Variants in ZRANB1 observed in about 807,000 individuals in gnomAD.
ZRANB1 encodes the protein zinc finger RANBP2-type containing 1.
Under a neutral mutation model 80.5 loss-of-function variants are expected in ZRANB1, and 16 were observed. That is an observed-to-expected ratio of 0.20 (90% CI 0.13 to 0.30). ZRANB1 has a LOEUF of 0.30. Among genes scored for constraint, ZRANB1 ranks in the 10% least tolerant of loss-of-function variants. ZRANB1 has a pLI of 1.00. For missense variants in ZRANB1, 576 were observed against 862.6 expected (o/e 0.67, Z 4.16); for synonymous variants, 291 against 293.1 (o/e 0.99, Z 0.07).
intron 1 of ZRANB1, chr10:124,962,429 T>C: frequency 3.1e-6 from 3 of 982,672 alleles, no homozygotes; most frequent in Non-Finnish European, 3.6e-6. Flanking sequence ...GCTTTTTTTT[T>C]ACCATTTGGC....
At chr10:124,950,833 T>G (rs1951633161) in intron 1 of ZRANB1, among the ~76,000 whole-genome samples, 1 of 152,058 alleles carries the variant, frequency 6.6e-6, no homozygotes, top group African/African-American at 2.4e-5. Context: ...TAAAAAAAAT[T>G]AGCAGGACAT....
rs771314435 is a variant in ZRANB1, at chr10:124,984,937, G to C, written c.2072G>C (p.Arg691Pro). 1.2e-6 allele frequency: 2 copies of C among 1,613,920 alleles called. No individual in the cohort carries two copies. The highest frequency in any genetic ancestry group is 1.7e-6 in the Non-Finnish European group (2 of 1,179,996). Residue 691 changes from arginine to proline, a missense_variant, in exon 9 of 9, where the codon CGG becomes CCG. Physicochemically the swap from Arg to Pro is moderately radical, Grantham distance 103. Coordinates refer to ENST00000359653, the MANE Select transcript of ZRANB1 (RefSeq NM_017580.3). ...TGGCTTGACCGCTACCGACAGATCC[G>C]GCCGTGTACATCCCTGTCTGATGGA... ...EKWLDRYRQI[R>P]PCTSLSDGEE...
At chr10:124,921,328 G>T in the ZRANB1 span, among the ~76,000 whole-genome samples, 4 of 152,140 alleles carry the variant, frequency 2.6e-5, no homozygotes, top group African/African-American at 9.7e-5. Context: ...TGATGATAAG[G>T]CAGATGAGAC....
At chr10:124,919,874 C>G in the ZRANB1 span, among the ~76,000 whole-genome samples, 4 of 143,176 alleles carry the variant, frequency 2.8e-5, no homozygotes, top group Non-Finnish European at 4.5e-5. Flanking sequence ...GCCTCCCAGA[C>G]TGCTGGGATT....
chr10:124,932,920 G>A, the ZRANB1 span, among the ~76,000 whole-genome samples: 20,389 of 152,002 alleles, frequency 0.13, 1,823 homozygotes, highest in South Asian at 0.27. Flanking sequence ...ATATTCTTCG[G>A]TGAGGTGTCT....
intron 1 of ZRANB1, chr10:124,962,532 T>G: frequency 2.7e-6 from 1 of 369,498 alleles, no homozygotes; most frequent in Non-Finnish European, 3.7e-6. Context: ...GGGGAAAAAA[T>G]AAGTCTGTTT....
Position 124,983,778 on chromosome 10 carries a change from T to C in ZRANB1, c.1908+90T>C, listed in dbSNP as rs919346349. On this transcript the variant is annotated intron_variant, in intron 8 of 8. Coordinates refer to ENST00000359653, the MANE Select transcript of ZRANB1 (RefSeq NM_017580.3). The surrounding 1 kb of genome is among the most constrained non-coding windows in gnomAD (Gnocchi z 6.2). Reference sequence around the variant, plus strand: ...CTTTCAGGTGTGGTTTTATCTGCACTATCACTTAATTTCTGAATGTGATGG... The same window carrying C: ...CTTTCAGGTGTGGTTTTATCTGCACCATCACTTAATTTCTGAATGTGATGG... 24 of 872,020 alleles carry C rather than the reference T, an allele frequency of 2.8e-5. No individual in the cohort carries two copies. The highest frequency in any genetic ancestry group is 2.5e-4 in the African/African-American group (15 of 59,280). The allele number at this position is 872,020 out of a possible 1,614,324, so 54.0% of individuals were successfully genotyped here.
Position 124,968,382 on chromosome 10 carries a change from A to G in ZRANB1, c.1002+1601A>G, listed in dbSNP as rs558289496. 5.3e-5 allele frequency among the ~76,000 whole-genome samples: 8 copies of G among 152,324 alleles called. No homozygotes were observed. The East Asian group carries it at 7.7e-4, about 15-fold the overall frequency. On this transcript the variant is annotated intron_variant, in intron 2 of 8. Coordinates refer to ENST00000359653, the MANE Select transcript of ZRANB1 (RefSeq NM_017580.3). Reference sequence around the variant, plus strand: ...GGGGATTAAAAAATTTGAAGGTTAGATGGAAACATGATTGTAGTAGCTAAC... The same window carrying G: ...GGGGATTAAAAAATTTGAAGGTTAGGTGGAAACATGATTGTAGTAGCTAAC...
At chr10:124,964,418 T>G (rs1027418502) in intron 1 of ZRANB1, among the ~76,000 whole-genome samples, 7 of 152,210 alleles carry the variant, frequency 4.6e-5, no homozygotes, top group Non-Finnish European at 1.0e-4. Context: ...CTTCTAGACT[T>G]CAGCTATATG....
chr10:124,970,833 GTTTTTTTTTTTT>G (rs34391929), intron 2 of ZRANB1, among the ~76,000 whole-genome samples: 3 of 85,380 alleles, frequency 3.5e-5, no homozygotes, highest in South Asian at 4.7e-4. Flanking sequence ...TCTCTTTGGG[GTTTTTTTTTTTT>G]TTTTTTTTTT....
At chr10:124,940,704 G>GA (rs2134238634), upstream of ZRANB1, among the ~76,000 whole-genome samples, 1 of 152,124 alleles carries the variant, frequency 6.6e-6, no homozygotes, top group South Asian at 2.1e-4. Context: ...GGCCAGGCGT[G>GA]GTGGTTCATG....
chr10:124,971,862 C>T, intron 2 of ZRANB1, 103 bp from the exon 3 acceptor site: 1 of 1,126,006 alleles, frequency 8.9e-7, no homozygotes, highest in South Asian at 2.4e-5. Flanking sequence ...TTAAAGAAAA[C>T]CTTGAGTTAT....
At chr10:124,919,931 T>C in the ZRANB1 span, among the ~76,000 whole-genome samples, 1 of 133,302 alleles carries the variant, frequency 7.5e-6, no homozygotes, top group South Asian at 3.0e-4. Context: ...CTTTTTTTTT[T>C]TTTGAGACCT....
intron 5 of ZRANB1, among the ~76,000 whole-genome samples, chr10:124,976,910 A>G (rs910462507): frequency 1.2e-4 from 18 of 151,998 alleles, no homozygotes; most frequent in African/African-American, 4.3e-4. Flanking sequence ...TTGAAAGGCC[A>G]AAAGTACACT....
intron 2 of ZRANB1, 39 bp from the exon 3 acceptor site, chr10:124,971,926 G>T (rs1564964815): frequency 1.3e-6 from 2 of 1,507,112 alleles, no homozygotes; most frequent in South Asian, 1.4e-5. Context: ...TTCCACTTAT[G>T]ATACATGAGA....
chr10:124,968,085 T>TG (rs1201052452), intron 2 of ZRANB1, among the ~76,000 whole-genome samples: 2 of 151,890 alleles, frequency 1.3e-5, no homozygotes, highest in South Asian at 2.1e-4. Context: ...TTTAGAAAGG[T>TG]GGGGTTTCAC....
chr10:124,961,408 C>T (rs894017925), intron 1 of ZRANB1, among the ~76,000 whole-genome samples: 1 of 152,218 alleles, frequency 6.6e-6, no homozygotes, highest in African/African-American at 2.4e-5. Context: ...TGTTTCAGCC[C>T]TGTTAACATT....
In ZRANB1 at chr10:124,986,814, C is replaced by T. The variant is rs1952056701; in HGVS notation, c.*1822C>T. The T allele has an allele frequency of 6.6e-6, 1 of 152,122 alleles. No individual in the cohort carries two copies. Among genetic ancestry groups the T allele is most frequent in the Non-Finnish European group, 1.5e-5 (1 of 68,024 alleles). 9.4% of individuals were successfully genotyped at this position (152,122 alleles called of 1,614,324 possible). Reference sequence around the variant, plus strand: ...TGCCTGTTAAGCAAAATCTGCCCTCCCAATTGAAAAAGCCAAAGAGAATTG... The same window carrying T: ...TGCCTGTTAAGCAAAATCTGCCCTCTCAATTGAAAAAGCCAAAGAGAATTG... On this transcript the variant is annotated 3_prime_UTR_variant, in exon 9 of 9. Transcript: ENST00000359653.
intron 2 of ZRANB1, among the ~76,000 whole-genome samples, chr10:124,970,986 T>A (rs940145091): frequency 5.3e-5 from 8 of 151,890 alleles, no homozygotes; most frequent in African/African-American, 1.9e-4. Flanking sequence ...TACAGCTAAT[T>A]TTTGTAGTAG....
Sources: gnomAD v4.1 joint callset for allele counts (sites outside exome capture counted in the v4.1 genomes callset) on GRCh38, gnomAD v4.1.1 for gene constraint, Gnocchi (gnomAD v3.1) non-coding constraint, MANE v1.5 for transcripts, NCBI Gene and HGNC (gene_info 2026-07-23, HGNC 2026-07-21) for gene names.